CDKAL1: variants seen among roughly 807,000 people sequenced by gnomAD.
CDKAL1 encodes the protein threonylcarbamoyladenosine tRNA methylthiotransferase.
Under a neutral mutation model 68.2 loss-of-function variants are expected in CDKAL1, and 32 were observed. The observed-to-expected ratio is 0.47, with a 90% CI of 0.35 to 0.63. The LOEUF is 0.63. Among genes scored for constraint, CDKAL1 ranks in the 30% least tolerant of loss-of-function variants. CDKAL1 has a pLI of 0.00. For missense variants in CDKAL1, 606 were observed against 696.7 expected (o/e 0.87, Z 1.47); for synonymous variants, 234 against 244.3 (o/e 0.96, Z 0.39).
At chr6:21,072,302 G>T (rs577253592) in intron 12 of CDKAL1, among the ~76,000 whole-genome samples, 1 of 152,246 alleles carries the variant, frequency 6.6e-6, no homozygotes, top group Admixed American at 6.5e-5. Flanking sequence ...TCCTCCACGG[G>T]CTTGTCTTCT....
Position 20,818,706 on chromosome 6 carries a change from A to G in CDKAL1, c.639-27369A>G, listed in dbSNP as rs188989670. ...ATTTAAGAATTTATAAAATTATTAT[A>G]AATATATTTGTATAACTATATAGTT... On this transcript the variant is annotated intron_variant, in intron 8 of 15. Transcript: ENST00000274695. Among the ~76,000 whole-genome samples, 6 of 150,498 alleles carry G rather than the reference A, an allele frequency of 4.0e-5. No homozygotes were observed. In the East Asian group the frequency reaches 1.2e-3, roughly 29 times the overall value.
At chr6:21,211,032 C>A (rs1779129614) in intron 15 of CDKAL1, among the ~76,000 whole-genome samples, 1 of 152,204 alleles carries the variant, frequency 6.6e-6, no homozygotes, top group Non-Finnish European at 1.5e-5. Context: ...CACATTTACA[C>A]CCTGGGGACA....
chr6:20,737,993 T>C (rs1581479026), intron 5 of CDKAL1, among the ~76,000 whole-genome samples: 1 of 152,190 alleles, frequency 6.6e-6, no homozygotes, highest in Non-Finnish European at 1.5e-5. Flanking sequence ...CTTGAAAAAG[T>C]TGACAAAGAC....
At chr6:21,055,356 A>C (rs974883594) in intron 11 of CDKAL1, among the ~76,000 whole-genome samples, 8 of 151,932 alleles carry the variant, frequency 5.3e-5, no homozygotes, top group Non-Finnish European at 8.8e-5. Context: ...TTTAAAAAAA[A>C]CTTTTTTTGT....
intron 12 of CDKAL1, among the ~76,000 whole-genome samples, chr6:21,070,577 G>GT (rs1488929531): frequency 6.6e-6 from 1 of 151,562 alleles, no homozygotes; most frequent in Non-Finnish European, 1.5e-5. Context: ...GATTCTTGGT[G>GT]TTTTTTCGCC....
intron 13 of CDKAL1, among the ~76,000 whole-genome samples, chr6:21,111,130 TAGAA>T (rs1774100493): frequency 3.3e-5 from 5 of 152,180 alleles, no homozygotes; most frequent in Admixed American, 2.0e-4. Flanking sequence ...TGTTTCATAA[TAGAA>T]AGATACAAAA....
chr6:20,659,078 C>A lies in CDKAL1; in HGVS notation c.371+9701C>A, dbSNP rs192004454. On this transcript the variant is annotated intron_variant, in intron 5 of 15. Transcript: ENST00000274695. ...CTCCTGACCTCAATCAAGTGATCCT[C>A]CTGCCTTGGCCTCCCAAAGTGTTGG... Among the ~76,000 whole-genome samples the A allele has an allele frequency of 3.3e-5, 5 of 152,224 alleles. No homozygotes were observed. The East Asian group carries it at 7.7e-4, about 23-fold the overall frequency.
chr6:21,044,508 G>A (rs1262928237), intron 11 of CDKAL1, among the ~76,000 whole-genome samples: 2 of 152,042 alleles, frequency 1.3e-5, no homozygotes, highest in African/African-American at 4.8e-5. Context: ...CCTTTACCAG[G>A]TTCTCTAAGT....
Position 20,650,772 on chromosome 6 carries a change from G to C in CDKAL1, c.371+1395G>C, listed in dbSNP as rs775686698. On this transcript the variant is annotated intron_variant, in intron 5 of 15. Transcript: ENST00000274695. Reference sequence around the variant, plus strand: ...GGTCCAGTTTCAGTTTTCTGCACAAGGCTAGCCAGTTTTCCCAGCACCATT... The same window carrying C: ...GGTCCAGTTTCAGTTTTCTGCACAACGCTAGCCAGTTTTCCCAGCACCATT... Among the ~76,000 whole-genome samples, 183 of 152,248 alleles carry C rather than the reference G, an allele frequency of 1.2e-3. 1 individual carries two copies. Among genetic ancestry groups the C allele is most frequent in the Admixed American group, 3.1e-3 (47 of 15,296 alleles).
chr6:20,824,469 G>C (rs1457032417), intron 8 of CDKAL1, among the ~76,000 whole-genome samples: 1 of 152,120 alleles, frequency 6.6e-6, no homozygotes, highest in Non-Finnish European at 1.5e-5. Flanking sequence ...ATTCTTCCAA[G>C]CTCACATGGT....
Position 20,891,769 on chromosome 6 carries a change from G to A in CDKAL1, c.742+45591G>A, listed in dbSNP as rs367805809. On this transcript the variant is annotated intron_variant, in intron 9 of 15. Coordinates refer to ENST00000274695, the MANE Select transcript of CDKAL1 (RefSeq NM_017774.3). ...ATGGTGGTCTTGATCTCTTGACCTC[G>A]TGATCCACCCGCCTTGGCCTCCCAA... 3.9e-5 allele frequency among the ~76,000 whole-genome samples: 6 copies of A among 152,154 alleles called. 1 individual carries two copies. The highest frequency in any genetic ancestry group is 6.8e-3 in the Middle Eastern group (2 of 294).
intron 4 of CDKAL1, among the ~76,000 whole-genome samples, chr6:20,624,292 T>G (rs148131842): frequency 1.2e-3 from 190 of 152,116 alleles, no homozygotes; most frequent in African/African-American, 4.4e-3. Context: ...CTGAGACCCA[T>G]GTAGACAGCC....
chr6:20,624,176 T>G (rs1767320887), intron 4 of CDKAL1, among the ~76,000 whole-genome samples: 1 of 151,966 alleles, frequency 6.6e-6, no homozygotes, highest in Admixed American at 6.6e-5. Flanking sequence ...CATTTGGTGG[T>G]TTGGAGTGAC....
chr6:20,754,272 T>A (rs1157445220), intron 6 of CDKAL1, among the ~76,000 whole-genome samples: 1 of 150,380 alleles, frequency 6.6e-6, no homozygotes, highest in Non-Finnish European at 1.5e-5. Flanking sequence ...TGTGAGCAAC[T>A]GCACCTGGCC....
intron 13 of CDKAL1, among the ~76,000 whole-genome samples, chr6:21,195,827 G>C (rs913958927): frequency 6.6e-6 from 1 of 152,018 alleles, no homozygotes; most frequent in Non-Finnish European, 1.5e-5. Context: ...AGATTTTTAA[G>C]GGCCTTGCCA....
At position 20,936,204 on chromosome 6, in the gene CDKAL1, A is replaced by AT. The variant is rs573477445; in HGVS notation, c.743-19208dup. 1.7e-4 allele frequency among the ~76,000 whole-genome samples: 22 copies of AT among 132,936 alleles called. 1 individual carries two copies. In the South Asian group the frequency reaches 4.6e-3, roughly 28 times the overall value. 87.2% of individuals were successfully genotyped at this position (132,936 alleles called of 152,430 possible). On this transcript the variant is annotated intron_variant, in intron 9 of 15. Coordinates refer to ENST00000274695, the MANE Select transcript of CDKAL1 (RefSeq NM_017774.3). The stretch of plus-strand genomic sequence containing the variant: ...TATTTAACTTAAAGCTTTTCTGTAC[A>AT]TTTTTTTAAAAAAATTCTGTGTCAC...
intron 4 of CDKAL1, among the ~76,000 whole-genome samples, chr6:20,642,477 G>GAAAA (rs70990055): frequency 1.9e-4 from 22 of 117,826 alleles, no homozygotes; most frequent in South Asian, 6.1e-4. Flanking sequence ...ATGAAAAACA[G>GAAAA]AAAAAAAAAA....
chr6:20,746,897 G>T (rs1773685891), intron 6 of CDKAL1, among the ~76,000 whole-genome samples: 1 of 152,002 alleles, frequency 6.6e-6, no homozygotes, highest in Admixed American at 6.6e-5. Context: ...CAGATTTTCA[G>T]TATACAATAT....
At chr6:20,612,910 A>G (rs1446432013) in intron 4 of CDKAL1, among the ~76,000 whole-genome samples, 1 of 151,834 alleles carries the variant, frequency 6.6e-6, no homozygotes, top group Non-Finnish European at 1.5e-5. Context: ...ACCAAAACCC[A>G]TACAGTAAGT....
Sources: allele counts gnomAD v4.1 joint callset (sites outside exome capture counted in the v4.1 genomes callset), GRCh38; gene constraint gnomAD v4.1.1; transcripts MANE v1.5; gene names NCBI Gene and HGNC (gene_info 2026-07-23, HGNC 2026-07-21).